The following KCNQ5 variants were observed in gnomAD, a reference collection of about 807,000 sequenced individuals.
KCNQ5 encodes the protein potassium voltage-gated channel subfamily KQT member 5.
In KCNQ5, 30 loss-of-function variants were observed where a neutral mutation model predicts 98.2. That is an observed-to-expected ratio of 0.31 (90% CI 0.23 to 0.41). The LOEUF (loss-of-function observed/expected upper bound fraction) is 0.41. Ranked by LOEUF, KCNQ5 falls within the 10% of genes least tolerant of loss-of-function variation. KCNQ5 has a pLI of 1.00. For synonymous variants in KCNQ5, 458 were observed against 449.4 expected, an observed-to-expected ratio of 1.02 and a Z score of -0.24; for missense variants, 835 against 1,182.5, an observed-to-expected ratio of 0.71 and a Z score of 4.31.
chr6:73,100,185 A>G (rs9341404), intron 5 of KCNQ5, among the ~76,000 whole-genome samples: 111,804 of 152,148 alleles, frequency 0.73, 45,947 homozygotes, highest in South Asian at 0.94. Context: ...CCAATGGGAT[A>G]CAGCAAAAGG....
intron 9 of KCNQ5, among the ~76,000 whole-genome samples, chr6:73,132,024 G>A (rs1003351826): frequency 2.6e-5 from 4 of 152,308 alleles, no homozygotes; most frequent in Middle Eastern, 3.4e-3. Flanking sequence ...CACATAAAAC[G>A]TGGTGCCCTT....
chr6:72,982,079 G>T (rs1284604469), intron 1 of KCNQ5, among the ~76,000 whole-genome samples: 1 of 152,170 alleles, frequency 6.6e-6, no homozygotes, highest in African/African-American at 2.4e-5. Context: ...TTCCAACTCT[G>T]TGGTCAATTT....
intron 1 of KCNQ5, among the ~76,000 whole-genome samples, chr6:72,802,170 G>A (rs1472847947): frequency 1.3e-5 from 2 of 151,958 alleles, no homozygotes; most frequent in African/African-American, 2.4e-5. Context: ...CTGAATGTTG[G>A]CCTGCCTTGC....
At chr6:72,945,380 T>G (rs1256951698) in intron 1 of KCNQ5, among the ~76,000 whole-genome samples, 1 of 150,632 alleles carries the variant, frequency 6.6e-6, no homozygotes, top group Non-Finnish European at 1.5e-5. Context: ...ATTAGGTATA[T>G]CTCCAAATGC....
intron 1 of KCNQ5, among the ~76,000 whole-genome samples, chr6:72,865,892 A>C (rs1321704467): frequency 6.6e-6 from 1 of 152,184 alleles, no homozygotes; most frequent in Admixed American, 6.5e-5. Flanking sequence ...AGGATTCTCC[A>C]TTAAAGATCT....
At chr6:72,793,373 AT>A (rs1774162416) in intron 1 of KCNQ5, among the ~76,000 whole-genome samples, 1 of 152,228 alleles carries the variant, frequency 6.6e-6, no homozygotes, top group Non-Finnish European at 1.5e-5. Flanking sequence ...TGAGTTGCCA[AT>A]AAAACATGCC....
intron 2 of KCNQ5, among the ~76,000 whole-genome samples, chr6:73,032,938 C>T (rs79862980): frequency 0.015 from 2,286 of 152,216 alleles, 68 homozygotes; most frequent in African/African-American, 0.052. Flanking sequence ...CTAAGACATC[C>T]TGTGCCCTGA....
chr6:73,191,778 A>T (rs1192505570), intron 12 of KCNQ5, among the ~76,000 whole-genome samples: 1 of 152,234 alleles, frequency 6.6e-6, no homozygotes, highest in Non-Finnish European at 1.5e-5. Context: ...TTTGCAGTTT[A>T]GTAAATTAGA....
At chr6:72,956,489 C>CT (rs35114790) in intron 1 of KCNQ5, among the ~76,000 whole-genome samples, 2,378 of 111,994 alleles carry the variant, frequency 0.021, 23 homozygotes, top group Admixed American at 0.027. Flanking sequence ...TTTCTTTTTT[C>CT]TTTTTTTTTT....
At chr6:73,123,579 G>A (rs1775830229) in intron 8 of KCNQ5, among the ~76,000 whole-genome samples, 1 of 152,210 alleles carries the variant, frequency 6.6e-6, no homozygotes, top group Non-Finnish European at 1.5e-5. Flanking sequence ...ACACTCTAGA[G>A]GTCTTAGCAA....
At chr6:72,778,944 A>G (rs1157732635) in intron 1 of KCNQ5, among the ~76,000 whole-genome samples, 1 of 152,240 alleles carries the variant, frequency 6.6e-6, no homozygotes, top group Non-Finnish European at 1.5e-5. Flanking sequence ...TTGGTAATGA[A>G]GAGGACAAAG....
chr6:73,021,918 C>T (rs1353919329), intron 2 of KCNQ5, among the ~76,000 whole-genome samples: 3 of 152,062 alleles, frequency 2.0e-5, no homozygotes, highest in African/African-American at 7.2e-5. Flanking sequence ...CACTCTTCCT[C>T]ATTTTTTTCT....
At chr6:72,706,289 G>A (rs1769076847) in intron 1 of KCNQ5, among the ~76,000 whole-genome samples, 1 of 151,690 alleles carries the variant, frequency 6.6e-6, no homozygotes, top group South Asian at 2.1e-4. Flanking sequence ...TGGAAAGGAT[G>A]TTTTCTGTGT....
chr6:72,716,090 A>G (rs184565752), intron 1 of KCNQ5, among the ~76,000 whole-genome samples: 1 of 152,188 alleles, frequency 6.6e-6, no homozygotes, highest in Non-Finnish European at 1.5e-5. Context: ...TCTTGTTCTT[A>G]ACTCAAATGT....
chr6:72,697,447 CCTAGATTTAAACCTTAAATT>C (rs1768557770), intron 1 of KCNQ5, among the ~76,000 whole-genome samples: 1 of 152,018 alleles, frequency 6.6e-6, no homozygotes, highest in Non-Finnish European at 1.5e-5. Context: ...TAGATTTATT[CCTAGATTTAAACCTTAAATT>C]CTAGATTTAA....
chr6:72,861,684 G>C (rs1042426353), intron 1 of KCNQ5, among the ~76,000 whole-genome samples: 2 of 152,070 alleles, frequency 1.3e-5, no homozygotes, highest in Non-Finnish European at 2.9e-5. Context: ...ATGGGACCCT[G>C]TACCAAATTG....
chr6:73,124,612 A>G, intron 9 of KCNQ5, 100 bp downstream of exon 9: 1 of 1,077,938 alleles, frequency 9.3e-7, no homozygotes, highest in Non-Finnish European at 1.4e-6. Context: ...AACAAATACA[A>G]GATGATTAAA....
Position 73,085,518 on chromosome 6 carries a change from C to G in KCNQ5, c.918+7631C>G, listed in dbSNP as rs181748220. Among the ~76,000 whole-genome samples, 4 of 152,300 alleles carry G rather than the reference C, an allele frequency of 2.6e-5. No individual in the cohort carries two copies. In the East Asian group the frequency reaches 7.7e-4, roughly 29 times the overall value. ...GAGAAAGTTATTGAGGCTGGGGGTT[C>G]AGTTGCTGGCTGTTCAGGTCCCTTG... On this transcript the variant is annotated intron_variant, in intron 5 of 13. Transcript: ENST00000370398.
intron 1 of KCNQ5, among the ~76,000 whole-genome samples, chr6:72,941,371 TCTTTCCTCCTTCCTTCCTTCCTC>T (rs200443111): frequency 0.32 from 21,279 of 66,972 alleles, 2,086 homozygotes; most frequent in Non-Finnish European, 0.51. Flanking sequence ...CTTCCTTCCT[TCTTTCCTCCTTCCTTCCTTCCTC>T]CTTTCCTCCT....
Sources: allele counts gnomAD v4.1 joint callset (sites outside exome capture counted in the v4.1 genomes callset), GRCh38; gene constraint gnomAD v4.1.1; transcripts MANE v1.5; gene names NCBI Gene and HGNC (gene_info 2026-07-23, HGNC 2026-07-21).